DRD3: variants seen among roughly 807,000 people sequenced by gnomAD.
DRD3 encodes dopamine receptor D3.
A neutral mutation model predicts 36.3 loss-of-function variants in DRD3; 19 were observed. The ratio of observed to expected loss-of-function variants is 0.52; its 90% confidence interval spans 0.36 to 0.77. DRD3 has a LOEUF of 0.77. Ranked by LOEUF, DRD3 falls within the 30% of genes least tolerant of loss-of-function variation. DRD3 has a pLI of 0.00. For synonymous variants in DRD3, 195 were observed against 203.7 expected (o/e 0.96, Z 0.36); for missense variants, 465 against 505.3 (o/e 0.92, Z 0.77).
At chr3:114,139,395 G>T in intron 5 of DRD3, 105 bp downstream of exon 5, 2 of 1,115,544 alleles carry the variant, frequency 1.8e-6, no homozygotes, top group Non-Finnish European at 2.5e-6. Flanking sequence ...TGTCAGATTT[G>T]TGTCTCCAAT....
At chr3:114,184,627 C>T (rs1319080296) in intron 1 of DRD3, among the ~76,000 whole-genome samples, 1 of 120,346 alleles carries the variant, frequency 8.3e-6, no homozygotes, top group East Asian at 2.9e-4. Context: ...GGTAATGCTC[C>T]TCAGCTTTTG....
chr3:114,169,185 C>G (rs2077815406), intron 2 of DRD3, among the ~76,000 whole-genome samples: 1 of 151,638 alleles, frequency 6.6e-6, no homozygotes, highest in Non-Finnish European at 1.5e-5. Context: ...TTTAAGGGCT[C>G]AAAGTGCTCT....
chr3:114,139,327 T>G (rs2077502331), intron 5 of DRD3, among the ~76,000 whole-genome samples, 173 bp downstream of exon 5: 2 of 152,226 alleles, frequency 1.3e-5, no homozygotes, highest in African/African-American at 4.8e-5. Context: ...CAATGTTTTC[T>G]TGAGATTGGA....
At chr3:114,190,433 T>C (rs1560006152) in intron 1 of DRD3, among the ~76,000 whole-genome samples, 4 of 7,988 alleles carry the variant, frequency 5.0e-4, no homozygotes, top group Non-Finnish European at 7.3e-4. Flanking sequence ...TATATATATA[T>C]ATATATATAT....
At chr3:114,129,587 G>A (rs886546331) in intron 6 of DRD3, among the ~76,000 whole-genome samples, 1 of 152,102 alleles carries the variant, frequency 6.6e-6, no homozygotes, top group South Asian at 2.1e-4. Context: ...TAGGTATGAA[G>A]ACCTTAAAGA....
chr3:114,154,068 T>G (rs1396362956), intron 3 of DRD3, among the ~76,000 whole-genome samples: 1 of 152,212 alleles, frequency 6.6e-6, no homozygotes, highest in Non-Finnish European at 1.5e-5. Context: ...AATAGAGTGC[T>G]GGTGGAAAGT....
At chr3:114,182,971 T>C (rs7629232), upstream of DRD3, among the ~76,000 whole-genome samples, 67,609 of 152,070 alleles carry the variant, frequency 0.44, 16,854 homozygotes, top group African/African-American at 0.68. Context: ...TCAGATATCT[T>C]TTTGAGATCC....
chr3:114,181,680 TTA>T (rs1301879626), upstream of DRD3, among the ~76,000 whole-genome samples: 1 of 152,176 alleles, frequency 6.6e-6, no homozygotes, highest in Non-Finnish European at 1.5e-5. Flanking sequence ...GGGAAAGTCT[TTA>T]TGTTTTCAAC....
At chr3:114,191,491 G>C (rs2078010469) in intron 1 of DRD3, among the ~76,000 whole-genome samples, 1 of 152,212 alleles carries the variant, frequency 6.6e-6, no homozygotes, top group African/African-American at 2.4e-5. Context: ...AGGCTGGGGA[G>C]AGAAGATGCC....
chr3:114,172,856 T>A (rs2077860112), intron 1 of DRD3, among the ~76,000 whole-genome samples: 1 of 152,016 alleles, frequency 6.6e-6, no homozygotes, highest in African/African-American at 2.4e-5. Flanking sequence ...GGGGAAGACA[T>A]AAGGCCTGTG....
chr3:114,187,282 T>A (rs1158771102), intron 1 of DRD3, among the ~76,000 whole-genome samples: 1 of 152,258 alleles, frequency 6.6e-6, no homozygotes, highest in Non-Finnish European at 1.5e-5. Flanking sequence ...GTGCTTCTCT[T>A]GGTTAAGTGC....
chr3:114,177,767 G>T (rs115762461), intron 1 of DRD3, among the ~76,000 whole-genome samples: 3 of 152,126 alleles, frequency 2.0e-5, no homozygotes, highest in Admixed American at 6.5e-5. Flanking sequence ...AATGAGTGCC[G>T]AGTAAGAATC....
intron 1 of DRD3, among the ~76,000 whole-genome samples, chr3:114,191,656 G>A (rs1384144612): frequency 3.3e-5 from 5 of 152,192 alleles, no homozygotes; most frequent in South Asian, 2.1e-4. Flanking sequence ...AGGCTGTTAC[G>A]GTAACTCAGA....
At chr3:114,172,082 G>T (rs951036330) in intron 1 of DRD3, 55 bp from the exon 2 acceptor site, 1 of 1,283,422 alleles carries the variant, frequency 7.8e-7, no homozygotes, top group Non-Finnish European at 1.0e-6. Flanking sequence ...GGGCTTGGTT[G>T]CTTAGTTACA....
chr3:114,158,537 C>G (rs2077703347), intron 3 of DRD3, among the ~76,000 whole-genome samples: 1 of 152,206 alleles, frequency 6.6e-6, no homozygotes, highest in Non-Finnish European at 1.5e-5. Context: ...AACTCTTCTA[C>G]AAGACCTAGC....
At chr3:114,139,397 G>A in intron 5 of DRD3, 103 bp downstream of exon 5, 1 of 1,136,032 alleles carries the variant, frequency 8.8e-7, no homozygotes, top group Non-Finnish European at 1.2e-6. Flanking sequence ...TCAGATTTGT[G>A]TCTCCAATTT....
At chr3:114,179,824 A>G (rs568593403), upstream of DRD3, among the ~76,000 whole-genome samples, 1 of 152,310 alleles carries the variant, frequency 6.6e-6, no homozygotes, top group South Asian at 2.1e-4. Flanking sequence ...CTGGCTGAGA[A>G]AGAAGGCAGC....
intron 3 of DRD3, among the ~76,000 whole-genome samples, chr3:114,154,018 C>A (rs2077642385): frequency 6.6e-6 from 1 of 152,136 alleles, no homozygotes; most frequent in Non-Finnish European, 1.5e-5. Context: ...GACATAGGTG[C>A]CCCATCCTCA....
intron 1 of DRD3, among the ~76,000 whole-genome samples, chr3:114,176,442 A>G (rs1222152348): frequency 6.6e-6 from 1 of 152,064 alleles, no homozygotes; most frequent in Non-Finnish European, 1.5e-5. Flanking sequence ...TGCAAAAATA[A>G]AAGAAAAGAA....
Sources: gnomAD v4.1 joint callset for allele counts (sites outside exome capture counted in the v4.1 genomes callset) on GRCh38, gnomAD v4.1.1 for gene constraint, MANE v1.5 for transcripts, NCBI Gene and HGNC (gene_info 2026-07-23, HGNC 2026-07-21) for gene names.